The following CDH13 variants were observed in gnomAD, a reference collection of about 807,000 sequenced individuals.
The protein encoded by CDH13 is cadherin-13.
In CDH13, 24 loss-of-function variants were observed where a neutral mutation model predicts 63.8. The observed-to-expected ratio is 0.38, with a 90% confidence interval of 0.27 to 0.53. The LOEUF (loss-of-function observed/expected upper bound fraction) is 0.53, where lower values mean the gene tolerates loss of function less well. CDH13 is among the 20% of genes least tolerant of loss of function. The pLI, the probability that CDH13 is intolerant of heterozygous loss-of-function variation, is 0.85. For missense variants in CDH13, 1,049 were observed against 903.1 expected (o/e 1.16, Z -2.07); for synonymous variants, 503 against 355.3 (o/e 1.42, Z -4.67).
intron 1 of CDH13, among the ~76,000 whole-genome samples, chr16:82,817,640 C>A (rs1011628304): frequency 6.6e-6 from 1 of 151,990 alleles, no homozygotes; most frequent in Non-Finnish European, 1.5e-5. Flanking sequence ...CCTGTCTTTG[C>A]TAAAAATACA....
chr16:83,501,003 G>C (rs2074272098), intron 7 of CDH13, among the ~76,000 whole-genome samples: 1 of 152,150 alleles, frequency 6.6e-6, no homozygotes, highest in South Asian at 2.1e-4. Context: ...GTTTTCAAAG[G>C]TGTATTAAGG....
intron 5 of CDH13, among the ~76,000 whole-genome samples, chr16:83,277,588 G>A (rs75636927): frequency 3.9e-5 from 6 of 152,160 alleles, no homozygotes; most frequent in Middle Eastern, 3.4e-3. Context: ...TGTTTTGTGC[G>A]TTCATCCCTC....
chr16:83,726,675 A>C (rs1567554295), intron 10 of CDH13, among the ~76,000 whole-genome samples: 1 of 152,148 alleles, frequency 6.6e-6, no homozygotes, highest in Non-Finnish European at 1.5e-5. Context: ...CTCTACTAAA[A>C]ATACAAAAAA....
chr16:83,143,218 A>C (rs1037779653), intron 4 of CDH13, among the ~76,000 whole-genome samples: 1 of 152,328 alleles, frequency 6.6e-6, no homozygotes, highest in Middle Eastern at 3.4e-3. Flanking sequence ...TTTTCTTTGG[A>C]TATATTTTAA....
intron 7 of CDH13, among the ~76,000 whole-genome samples, chr16:83,553,523 C>A (rs577480621): frequency 6.6e-6 from 1 of 152,120 alleles, no homozygotes; most frequent in Non-Finnish European, 1.5e-5. Context: ...TTTTATCTGC[C>A]CTGTAGGAAT....
chr16:83,248,150 C>T (rs1042572264), intron 5 of CDH13, among the ~76,000 whole-genome samples: 2 of 152,058 alleles, frequency 1.3e-5, no homozygotes, highest in Non-Finnish European at 1.5e-5. Context: ...TGGCTTTCTT[C>T]CACTCACAGC....
intron 7 of CDH13, among the ~76,000 whole-genome samples, chr16:83,554,012 G>A (rs1374919912): frequency 1.3e-5 from 2 of 152,126 alleles, no homozygotes; most frequent in African/African-American, 4.8e-5. Context: ...AATTGCCTGT[G>A]TCTCTGTCTG....
At chr16:83,021,285 G>T (rs903679014) in intron 2 of CDH13, among the ~76,000 whole-genome samples, 7 of 152,202 alleles carry the variant, frequency 4.6e-5, no homozygotes, top group African/African-American at 1.7e-4. Context: ...GGTTGAGTAT[G>T]TACTGTGTCA....
chr16:82,835,089 A>G (rs2038709072), intron 1 of CDH13, among the ~76,000 whole-genome samples: 1 of 152,240 alleles, frequency 6.6e-6, no homozygotes, highest in South Asian at 2.1e-4. Flanking sequence ...TCTTTAACCC[A>G]ATATATTCAA....
At chr16:82,886,574 A>G (rs975790018) in intron 2 of CDH13, among the ~76,000 whole-genome samples, 4 of 86,770 alleles carry the variant, frequency 4.6e-5, no homozygotes, top group African/African-American at 2.0e-4. Flanking sequence ...TTTTTTTTTT[A>G]CATGTGGAGC....
intron 1 of CDH13, among the ~76,000 whole-genome samples, chr16:82,630,529 TC>T (rs1907880558): frequency 6.6e-6 from 1 of 152,208 alleles, no homozygotes; most frequent in African/African-American, 2.4e-5. Context: ...TCTGTTTACT[TC>T]CAGAAGTATC....
intron 1 of CDH13, among the ~76,000 whole-genome samples, chr16:82,713,456 C>G (rs2032111712): frequency 6.6e-6 from 1 of 152,150 alleles, no homozygotes; most frequent in African/African-American, 2.4e-5. Context: ...AACCCTTTCC[C>G]TGCCTGCCCC....
chr16:83,309,350 G>A (rs1353027466), intron 5 of CDH13, among the ~76,000 whole-genome samples: 1 of 151,464 alleles, frequency 6.6e-6, no homozygotes. Flanking sequence ...GAGGGTCCAG[G>A]TCAGTCTCTG....
intron 1 of CDH13, among the ~76,000 whole-genome samples, chr16:82,731,658 A>G (rs1343159269): frequency 1.3e-5 from 2 of 152,252 alleles, no homozygotes; most frequent in African/African-American, 2.4e-5. Context: ...CTTGCTCATC[A>G]GTTCTAACTG....
At chr16:83,481,786 A>T (rs1423969776) in intron 6 of CDH13, among the ~76,000 whole-genome samples, 1 of 152,174 alleles carries the variant, frequency 6.6e-6, no homozygotes, top group Non-Finnish European at 1.5e-5. Flanking sequence ...GACGGGGGAA[A>T]AGACAGAAAT....
chr16:83,395,045 G>A (rs2091860056), intron 6 of CDH13, among the ~76,000 whole-genome samples: 2 of 151,656 alleles, frequency 1.3e-5, no homozygotes, highest in South Asian at 4.2e-4. Context: ...GTACTTGGGA[G>A]CCTGAGACAA....
chr16:83,488,931 C>A (rs895462242), intron 7 of CDH13, among the ~76,000 whole-genome samples: 1 of 152,104 alleles, frequency 6.6e-6, no homozygotes, highest in African/African-American at 2.4e-5. Flanking sequence ...GGCCAATGCT[C>A]CCTATTTTTA....
At chr16:83,643,983 T>G (rs1411870318) in intron 8 of CDH13, among the ~76,000 whole-genome samples, 1 of 152,218 alleles carries the variant, frequency 6.6e-6, no homozygotes, top group Non-Finnish European at 1.5e-5. Context: ...GCATGTGGTT[T>G]GTCTTATCTT....
intron 6 of CDH13, among the ~76,000 whole-genome samples, chr16:83,370,720 G>T (rs1460602460): frequency 6.6e-6 from 1 of 152,144 alleles, no homozygotes; most frequent in Non-Finnish European, 1.5e-5. Flanking sequence ...AGAACATGTG[G>T]CAATTGGTTT....
Sources: allele counts gnomAD v4.1 joint callset (sites outside exome capture counted in the v4.1 genomes callset), GRCh38; gene constraint gnomAD v4.1.1; transcripts MANE v1.5; gene names NCBI Gene and HGNC (gene_info 2026-07-23, HGNC 2026-07-21).